NKAIN3: variants seen among roughly 807,000 people sequenced by gnomAD.
NKAIN3 encodes sodium/potassium-transporting ATPase subunit beta-1-interacting protein 3.
In NKAIN3, 25 loss-of-function variants were observed where a neutral mutation model predicts 30.2. The observed-to-expected ratio is 0.83, with a 90% CI of 0.60 to 1.16. The LOEUF (loss-of-function observed/expected upper bound fraction) is 1.16, where lower values mean the gene tolerates loss of function less well. NKAIN3 is among the 50% of genes most tolerant of loss of function. The pLI is 0.00. For synonymous variants in NKAIN3, 91 were observed against 89.6 expected (o/e 1.02, Z -0.09); for missense variants, 225 against 254.1 (o/e 0.89, Z 0.78).
intron 1 of NKAIN3, among the ~76,000 whole-genome samples, chr8:62,448,890 A>T (rs1805561493): frequency 1.3e-5 from 2 of 151,928 alleles, no homozygotes; most frequent in South Asian, 2.1e-4. Flanking sequence ...CTTTGGTGGT[A>T]TTGCTAATGA....
At chr8:62,740,706 T>C (rs1586149488) in intron 3 of NKAIN3, among the ~76,000 whole-genome samples, 1 of 152,060 alleles carries the variant, frequency 6.6e-6, no homozygotes, top group East Asian at 1.9e-4. Flanking sequence ...ATAAAATGTG[T>C]GCAGGCATAT....
At chr8:62,350,661 T>G (rs1312304898) in intron 1 of NKAIN3, among the ~76,000 whole-genome samples, 1 of 152,140 alleles carries the variant, frequency 6.6e-6, no homozygotes, top group Non-Finnish European at 1.5e-5. Context: ...TAAAATATAT[T>G]GCCTTAGAGA....
At chr8:62,692,801 A>C (rs1318270646) in intron 3 of NKAIN3, among the ~76,000 whole-genome samples, 1 of 152,080 alleles carries the variant, frequency 6.6e-6, no homozygotes, top group Non-Finnish European at 1.5e-5. Context: ...CACTTCATTA[A>C]TTTTCACTAA....
At chr8:62,936,357 G>T (rs139669418) in intron 5 of NKAIN3, among the ~76,000 whole-genome samples, 1 of 152,210 alleles carries the variant, frequency 6.6e-6, no homozygotes, top group African/African-American at 2.4e-5. Context: ...TGTCAAGCAT[G>T]TCCTGCTCTT....
chr8:62,535,204 C>T (rs548358646), intron 1 of NKAIN3, among the ~76,000 whole-genome samples: 5 of 152,262 alleles, frequency 3.3e-5, no homozygotes, highest in South Asian at 4.1e-4. Context: ...CCACAGTCCA[C>T]GTGCTGTTTC....
At chr8:62,302,443 C>G (rs1814081774) in intron 1 of NKAIN3, among the ~76,000 whole-genome samples, 1 of 152,064 alleles carries the variant, frequency 6.6e-6, no homozygotes, top group South Asian at 2.1e-4. Context: ...CACAGAGGCT[C>G]TTTTCCCCTT....
At chr8:62,316,269 T>C (rs1814623336) in intron 1 of NKAIN3, among the ~76,000 whole-genome samples, 1 of 152,082 alleles carries the variant, frequency 6.6e-6, no homozygotes, top group African/African-American at 2.4e-5. Flanking sequence ...GAAATGCTCA[T>C]TGTAGCATTT....
At chr8:62,323,068 C>T (rs1814993947) in intron 1 of NKAIN3, among the ~76,000 whole-genome samples, 2 of 152,198 alleles carry the variant, frequency 1.3e-5, no homozygotes, top group South Asian at 4.1e-4. Flanking sequence ...GAACTCTCAT[C>T]CATTGCTGGT....
intron 1 of NKAIN3, among the ~76,000 whole-genome samples, chr8:62,296,163 AAGGATACAAC>A (rs1185353510): frequency 6.6e-6 from 1 of 152,194 alleles, no homozygotes; most frequent in East Asian, 1.9e-4. Flanking sequence ...AAGGAGACAC[AAGGATACAAC>A]AGGACTCCTT....
chr8:62,353,900 C>T (rs1178990297), intron 1 of NKAIN3, among the ~76,000 whole-genome samples: 1 of 152,136 alleles, frequency 6.6e-6, no homozygotes, highest in African/African-American at 2.4e-5. Context: ...ATGAACATTT[C>T]AGATGCTGGG....
At chr8:62,911,750 G>GT (rs1352414477) in intron 4 of NKAIN3, among the ~76,000 whole-genome samples, 4 of 152,206 alleles carry the variant, frequency 2.6e-5, no homozygotes, top group African/African-American at 9.6e-5. Context: ...CATCTTTGAA[G>GT]TAAGTTCTCC....
chr8:62,769,571 G>A (rs1264786537), intron 4 of NKAIN3, among the ~76,000 whole-genome samples: 1 of 152,186 alleles, frequency 6.6e-6, no homozygotes, highest in East Asian at 1.9e-4. Flanking sequence ...TCAGTGAGTT[G>A]TAACCTAAGA....
At chr8:62,770,045 C>G (rs1816966104) in intron 4 of NKAIN3, among the ~76,000 whole-genome samples, 1 of 152,156 alleles carries the variant, frequency 6.6e-6, no homozygotes, top group South Asian at 2.1e-4. Context: ...ACAAAGATGA[C>G]ATGTCCATCC....
At chr8:62,634,769 G>A (rs1160251223) in intron 3 of NKAIN3, among the ~76,000 whole-genome samples, 2 of 152,122 alleles carry the variant, frequency 1.3e-5, no homozygotes, top group Non-Finnish European at 2.9e-5. Context: ...AAGAGAAAGA[G>A]GAGGGTGAGT....
At chr8:62,676,943 T>A (rs556683150) in intron 3 of NKAIN3, among the ~76,000 whole-genome samples, 1 of 152,068 alleles carries the variant, frequency 6.6e-6, no homozygotes. Flanking sequence ...GGTCTCAAAT[T>A]CCTGGTCTCA....
intron 1 of NKAIN3, among the ~76,000 whole-genome samples, chr8:62,351,072 G>A (rs1381078132): frequency 1.3e-5 from 2 of 148,382 alleles, no homozygotes; most frequent in East Asian, 3.9e-4. Context: ...AAATTAAAAT[G>A]TAAATAGTAT....
Position 62,345,363 on chromosome 8 carries a change from G to A in NKAIN3, c.54+96236G>A, listed in dbSNP as rs1216778947. On this transcript the variant is annotated intron_variant, in intron 1 of 6. Coordinates refer to ENST00000623646, the MANE Select transcript of NKAIN3 (RefSeq NM_001304533.3). ...TATATACACACATATACACATATATGTATATATACACATATATGTATATAT... is the reference window on the plus strand; with the variant it reads ...TATATACACACATATACACATATATATATATATACACATATATGTATATAT... Among the ~76,000 whole-genome samples the A allele has an allele frequency of 6.2e-3, 53 of 8,518 alleles. 1 individual carries two copies. The highest frequency in any genetic ancestry group is 9.9e-3 in the African/African-American group (47 of 4,742). 5.6% of individuals were successfully genotyped at this position (8,518 alleles called of 152,430 possible).
intron 4 of NKAIN3, among the ~76,000 whole-genome samples, chr8:62,887,767 T>C (rs1437147606): frequency 6.6e-6 from 1 of 152,180 alleles, no homozygotes; most frequent in African/African-American, 2.4e-5. Context: ...GCTTACATTG[T>C]CCTTGTGTTT....
At chr8:62,568,426 A>G (rs1809822853) in intron 1 of NKAIN3, among the ~76,000 whole-genome samples, 1 of 152,162 alleles carries the variant, frequency 6.6e-6, no homozygotes, top group African/African-American at 2.4e-5. Context: ...ATATTTCTTT[A>G]ATATATTTGC....
Sources: allele counts gnomAD v4.1 joint callset (sites outside exome capture counted in the v4.1 genomes callset), GRCh38; gene constraint gnomAD v4.1.1; transcripts MANE v1.5; gene names NCBI Gene and HGNC (gene_info 2026-07-23, HGNC 2026-07-21).